The following RPL3L variants were observed in gnomAD, a reference collection of about 807,000 sequenced individuals.
RPL3L encodes ribosomal protein uL3-like.
Under a neutral mutation model 44.5 loss-of-function variants are expected in RPL3L, and 44 were observed. That is an observed-to-expected ratio of 0.99 (90% CI 0.78 to 1.27). RPL3L has a LOEUF of 1.27. Ranked by LOEUF, RPL3L falls within the 50% of genes most tolerant of loss-of-function variation. The pLI is 0.00. For synonymous variants in RPL3L, 292 were observed against 230.7 expected (o/e 1.27, Z -2.41); for missense variants, 631 against 569.1 (o/e 1.11, Z -1.11).
intron 3 of RPL3L, among the ~76,000 whole-genome samples, chr16:1,951,406 G>C (rs1457037970): frequency 1.3e-5 from 2 of 152,016 alleles, no homozygotes; most frequent in Middle Eastern, 3.2e-3. Context: ...TTTGGAGATA[G>C]GGTCTCACTT....
rs1189439861 is a variant in RPL3L at position 1,946,718 on chromosome 16, G to A, written c.858C>T (p.Arg286=). 4 of 1,612,520 alleles carry A rather than the reference G, an allele frequency of 2.5e-6. No homozygotes were observed. The highest frequency in any genetic ancestry group is 2.2e-5 in the East Asian group (1 of 44,884). The change falls in exon 7 of 10, where the codon CGC becomes CGT. Residue 286 remains arginine (R), a synonymous_variant. Transcript: ENST00000268661. ...HRTELNKKIF[R]IGRGPHMEDG... ...CCTCCATGTGCGGGCCCCTGCCGAT[G>A]CGGAAGATCTGCCAGAAGGGGGCAC... is the stretch of plus-strand genomic sequence containing the variant.
chr16:1,950,354 G>C (rs536794675), intron 4 of RPL3L, among the ~76,000 whole-genome samples: 19 of 152,080 alleles, frequency 1.2e-4, no homozygotes, highest in African/African-American at 4.1e-4. Context: ...GAGCAGCTGG[G>C]GGCAGTGTGG....
At chr16:1,945,060 G>C (rs1436783359) in intron 9 of RPL3L, among the ~76,000 whole-genome samples, 167 bp from the exon 10 acceptor site, 1 of 151,870 alleles carries the variant, frequency 6.6e-6, no homozygotes, top group Non-Finnish European at 1.5e-5. Flanking sequence ...AGACCCTTAA[G>C]AGTCTCTCCT....
chr16:1,951,594 C>G (rs1181487009), intron 3 of RPL3L, among the ~76,000 whole-genome samples: 7 of 152,002 alleles, frequency 4.6e-5, no homozygotes, highest in Non-Finnish European at 1.0e-4. Flanking sequence ...GTTGCCCAGG[C>G]TGGTCTCGAA....
intron 3 of RPL3L, among the ~76,000 whole-genome samples, chr16:1,952,005 G>A (rs2083174611): frequency 6.6e-6 from 1 of 151,990 alleles, no homozygotes; most frequent in Non-Finnish European, 1.5e-5. Context: ...CTGGAGTGCA[G>A]CGGCACAATC....
At position 1,949,009 on chromosome 16, in the gene RPL3L, C is replaced by CTTTTTTTTTTTT. The variant is rs34900670; in HGVS notation, c.502-1641_502-1630dup. Among the ~76,000 whole-genome samples the CTTTTTTTTTTTT allele has an allele frequency of 7.7e-3, 963 of 124,528 alleles. 35 individuals carry two copies. Among genetic ancestry groups the CTTTTTTTTTTTT allele is most frequent in the African/African-American group, 0.028 (848 of 30,428 alleles). The allele number at this position is 124,528 out of a possible 152,430, so 81.7% of individuals were successfully genotyped here. A position where few individuals can be genotyped will look rare whatever the true frequency, so the allele number is the denominator to read the frequency against. ...TACAGACGTGAGCCACCGCGCCTGG[C>CTTTTTTTTTTTT]TTTTTTTTTTTTTTTTTGTAGAGAT... On this transcript the variant is annotated intron_variant, in intron 4 of 9. Transcript: ENST00000268661.
At position 1,950,879 on chromosome 16, in the gene RPL3L, A is replaced by G. The variant is rs761976111; in HGVS notation, c.466T>C (p.Tyr156His). Reference sequence around the variant, plus strand: ...ACAATGACCCGAATGACCTTGCAGTACTTCTTCATGGCGGCGAAGTCCTTC... The same window carrying G: ...ACAATGACCCGAATGACCTTGCAGTGCTTCTTCATGGCGGCGAAGTCCTTC... The part of the protein sequence containing the change: ...LQKDFAAMKK[Y>H]CKVIRVIVHT... Residue 156 changes from tyrosine to histidine, a missense_variant, in exon 4 of 10, where the codon TAC (tyrosine) becomes CAC (histidine). Tyr to His is a moderately conservative substitution (Grantham distance 83). Coordinates refer to ENST00000268661, the MANE Select transcript of RPL3L (RefSeq NM_005061.3). 6.2e-7 allele frequency: 1 copy of G among 1,614,062 alleles called. No individual in the cohort carries two copies. Among genetic ancestry groups the G allele is most frequent in the South Asian group, 1.1e-5 (1 of 91,090 alleles).
At chr16:1,951,004 C>G in intron 3 of RPL3L, 25 bp from the exon 4 acceptor site, 1 of 1,610,080 alleles carries the variant, frequency 6.2e-7, no homozygotes, top group Non-Finnish European at 8.5e-7. Context: ...GGAGGGTGCT[C>G]AGAAGCCCCC....
At chr16:1,947,125 A>G in intron 5 of RPL3L, 27 bp from the exon 6 acceptor site, 1 of 1,613,194 alleles carries the variant, frequency 6.2e-7, no homozygotes, top group Non-Finnish European at 8.5e-7. Context: ...CTGGTGGCTG[A>G]GAGGCCAGGC....
intron 3 of RPL3L, among the ~76,000 whole-genome samples, chr16:1,951,343 T>G (rs191314702): frequency 1.2e-4 from 18 of 152,282 alleles, no homozygotes; most frequent in Non-Finnish European, 2.2e-4. Flanking sequence ...AAGGGTGCAG[T>G]GGGTGCCATG....
At chr16:1,947,584 A>G (rs2083133752) in intron 4 of RPL3L, among the ~76,000 whole-genome samples, 1 of 152,212 alleles carries the variant, frequency 6.6e-6, no homozygotes, top group African/African-American at 2.4e-5. Flanking sequence ...ACACCTCGGG[A>G]GCCACCATCT....
chr16:1,951,420 C>G, intron 3 of RPL3L, among the ~76,000 whole-genome samples: 1 of 152,226 alleles, frequency 6.6e-6, no homozygotes, highest in South Asian at 2.1e-4. Context: ...CTCACTTTCT[C>G]TCCCAGGCTG....
intron 8 of RPL3L, 67 bp from the exon 9 acceptor site, chr16:1,945,685 A>G (rs2083115584): frequency 6.2e-7 from 1 of 1,609,136 alleles, no homozygotes; most frequent in Non-Finnish European, 8.5e-7. Context: ...TGAACCTCCA[A>G]GCCCCACCAG....
In RPL3L at chr16:1,945,596, C is replaced by T. The variant is rs374360894; in HGVS notation, c.1070G>A (p.Arg357His). ...GAGCTCAATATTCTCCACGGCTTGG[C>T]GACTGTGATGCACCAGGAGGGACTG... ...LRKSLLVHHSRQAVENIELKF... is the reference protein window; with the variant it reads ...LRKSLLVHHSHQAVENIELKF... Residue 357 changes from arginine to histidine, a missense_variant, in exon 9 of 10, where the codon CGC (arginine) becomes CAC (histidine). Arg to His is a conservative substitution (Grantham distance 29). Coordinates refer to ENST00000268661, the MANE Select transcript of RPL3L (RefSeq NM_005061.3). 47 of 1,613,688 alleles carry T rather than the reference C, an allele frequency of 2.9e-5. 1 individual carries two copies. The African/African-American group carries it at 3.3e-4, about 11-fold the overall frequency.
chr16:1,947,420 A>C, intron 4 of RPL3L, 40 bp from the exon 5 acceptor site: 1 of 1,491,070 alleles, frequency 6.7e-7, no homozygotes, highest in Non-Finnish European at 8.9e-7. Flanking sequence ...GGCCCACGGG[A>C]TCACACCCCC....
chr16:1,954,072 C>A lies in RPL3L; in HGVS notation c.80G>T (p.Gly27Val). 2 of 1,605,122 alleles carry A rather than the reference C, an allele frequency of 1.2e-6. No individual in the cohort carries two copies. The highest frequency in any genetic ancestry group is 1.7e-6 in the Non-Finnish European group (2 of 1,176,730). ...ATCCCGCGGCCACGTCTTCACCTTG[C>A]CCCGGTGCCGGTGGCTCCTCTTATG... ...LPHKRSHRHR[G>V]KVKTWPRDDP... The change falls in exon 2 of 10, where the codon GGC becomes GTC. Residue 27 changes from glycine to valine, a missense_variant. Physicochemically the swap from Gly to Val is moderately radical, Grantham distance 109. Transcript: ENST00000268661.
rs555371824 is a variant in RPL3L at position 1,951,175 on chromosome 16, C to T, written c.366-196G>A. On this transcript the variant is annotated intron_variant, in intron 3 of 9. Coordinates refer to ENST00000268661, the MANE Select transcript of RPL3L (RefSeq NM_005061.3). The stretch of plus-strand genomic sequence containing the variant: ...TCTCTCCCCCTCTAGGCCCCGGTTT[C>T]CTCCTCTGTAAAGTAGGTACCCTCC... 5.3e-5 allele frequency among the ~76,000 whole-genome samples: 8 copies of T among 152,300 alleles called. No individual in the cohort carries two copies. The South Asian group carries it at 1.2e-3, about 24-fold the overall frequency.
rs2083129271 is a variant in RPL3L, at chr16:1,947,202, C to T, written c.680G>A (p.Gly227Asp). The part of the protein sequence containing the change: ...IDVIAVTKGR[G>D]VKGVTSRWHT... ...TCCTCACTGAGCCCTACCTTTGACG[C>T]CTCGACCCTTGGTGACAGCAATGAC... The change falls in exon 5 of 10, where the codon GGC (glycine) becomes GAC (aspartate). Residue 227 changes from glycine (G) to aspartate (D), a missense_variant. Transcript: ENST00000268661. 1 of 1,612,960 alleles carries T rather than the reference C, an allele frequency of 6.2e-7. No homozygotes were observed. Among genetic ancestry groups the T allele is most frequent in the Non-Finnish European group, 8.5e-7 (1 of 1,179,366 alleles).
rs113943001 is a variant in RPL3L, at chr16:1,945,179, C to A, written c.1168-286G>T. ...GACCATCCTGGCTAATACGATGAAA[C>A]CCCATCCCTACTAAAAATACAGAAA... On this transcript the variant is annotated intron_variant, in intron 9 of 9. Coordinates refer to ENST00000268661, the MANE Select transcript of RPL3L (RefSeq NM_005061.3). 3.7e-3 allele frequency among the ~76,000 whole-genome samples: 563 copies of A among 151,994 alleles called. 2 individuals are homozygous for A. Among genetic ancestry groups the A allele is most frequent in the African/African-American group, 0.013 (541 of 41,430 alleles).
Sources: allele counts gnomAD v4.1 joint callset (sites outside exome capture counted in the v4.1 genomes callset), GRCh38; gene constraint gnomAD v4.1.1; transcripts MANE v1.5; gene names NCBI Gene and HGNC (gene_info 2026-07-23, HGNC 2026-07-21).